VWA7: variants seen among roughly 807,000 people sequenced by gnomAD.
VWA7 encodes von Willebrand factor A domain-containing protein 7.
Under a neutral mutation model 83.1 loss-of-function variants are expected in VWA7, and 66 were observed. The observed-to-expected ratio is 0.79, with a 90% confidence interval of 0.65 to 0.98. The LOEUF (loss-of-function observed/expected upper bound fraction) is 0.98, where lower values mean the gene tolerates loss of function less well. Among genes scored for constraint, VWA7 ranks in the 50% least tolerant of loss-of-function variants. VWA7 has a pLI of 0.00. For missense variants in VWA7, 1,080 were observed against 1,160.2 expected (o/e 0.93, Z 1.00); for synonymous variants, 424 against 488.5 (o/e 0.87, Z 1.74).
chr6:31,769,197 A>ACTCACC lies in VWA7; in HGVS notation c.1323_1324insGGTGAG (p.Thr441_Phe442insGlyGlu), dbSNP rs770874168. On this transcript the variant is annotated inframe_insertion, in exon 10 of 17. Coordinates refer to ENST00000375688, the MANE Select transcript of VWA7 (RefSeq NM_025258.3). The surrounding 1 kb of genome is among the most constrained non-coding windows in gnomAD (Gnocchi z 4.5). ...CTTGATGTATCTTCAGTCACCAGGA[A>ACTCACC]TGTTACCTGTACCCAGAAGAGAGCT... 2,317 of 1,612,666 alleles carry ACTCACC rather than the reference A, an allele frequency of 1.4e-3. 10 individuals carry two copies. Among genetic ancestry groups the ACTCACC allele is most frequent in the Middle Eastern group, 9.2e-3 (56 of 6,060 alleles).
chr6:31,767,400 T>C lies in VWA7; in HGVS notation c.1751A>G (p.Gln584Arg). 6.2e-7 allele frequency: 1 copy of C among 1,613,182 alleles called. No homozygotes were observed. The highest frequency in any genetic ancestry group is 8.5e-7 in the Non-Finnish European group (1 of 1,179,844). ...DPPQTGTWEI[Q>R]VTAEDTPGVR... ...CCCAGGGGTGTCCTCAGCTGTGACCTGGATCTCCCAGGTTCCTGTCTGTGG... is the reference window on the plus strand; with the variant it reads ...CCCAGGGGTGTCCTCAGCTGTGACCCGGATCTCCCAGGTTCCTGTCTGTGG... Residue 584 changes from glutamine to arginine, a missense_variant, in exon 12 of 17, where the codon CAG (glutamine) becomes CGG (arginine). Physicochemically the swap from Gln to Arg is conservative, Grantham distance 43. Transcript: ENST00000375688.
rs1812631426 is a variant in VWA7, at chr6:31,775,836, C to T, written c.513+128G>A. 4.9e-6 allele frequency: 7 copies of T among 1,418,984 alleles called. No individual in the cohort carries two copies. Among genetic ancestry groups the T allele is most frequent in the South Asian group, 4.1e-5 (3 of 72,786 alleles). 87.9% of individuals were successfully genotyped at this position (1,418,984 alleles called of 1,614,324 possible). A position where few individuals can be genotyped will look rare whatever the true frequency, so the allele number is the denominator to read the frequency against. ...GAACTGGGACACAGCCTCGGGGCAC[C>T]GCGTGCCAGTGCCCACCCCTTCCAG... On this transcript the variant is annotated intron_variant, in intron 3 of 16. Coordinates refer to ENST00000375688, the MANE Select transcript of VWA7 (RefSeq NM_025258.3). The surrounding 1 kb of genome is among the most constrained non-coding windows in gnomAD (Gnocchi z 5.9).
chr6:31,771,303 T>C (rs904807889), intron 7 of VWA7: 1 of 152,204 alleles, frequency 6.6e-6, no homozygotes, highest in Admixed American at 6.5e-5. Flanking sequence ...TTGATCATCA[T>C]TTCAACTCTG....
rs28399999 is a variant in VWA7 at position 31,766,081 on chromosome 6, C to G, written c.2325-24G>C. On this transcript the variant is annotated intron_variant, in intron 15 of 16. Transcript: ENST00000375688. The surrounding 1 kb of genome is among the most constrained non-coding windows in gnomAD (Gnocchi z 4.9). Reference sequence around the variant, plus strand: ...CCCTGGAGAGAGGATATAGGCGTCGCTAAAGCTCCAGGCTGCCCAGAGCCT... The same window carrying G: ...CCCTGGAGAGAGGATATAGGCGTCGGTAAAGCTCCAGGCTGCCCAGAGCCT... 1 of 1,612,006 alleles carries G rather than the reference C, an allele frequency of 6.2e-7. No individual in the cohort carries two copies. Among genetic ancestry groups the G allele is most frequent in the Non-Finnish European group, 8.5e-7 (1 of 1,179,568 alleles).
Position 31,772,970 on chromosome 6 carries a change from C to T in VWA7, c.1071G>A (p.Val357=). The change falls in exon 7 of 17, where the codon GTG becomes GTA. Residue 357 remains valine, a synonymous_variant. Coordinates refer to ENST00000375688, the MANE Select transcript of VWA7 (RefSeq NM_025258.3). ...SPMEPVHYVL[V]PFHDPGFGPV... is the part of the protein sequence containing the mutation. The stretch of plus-strand genomic sequence containing the variant: ...CACACTTACCTGGGTCATGAAAAGG[C>T]ACCAGGACATAGTGGACAGGCTCCA... 6.6e-7 allele frequency: 1 copy of T among 1,524,534 alleles called. No homozygotes were observed. The highest frequency in any genetic ancestry group is 1.1e-5 in the South Asian group (1 of 88,068). 94.4% of individuals were successfully genotyped at this position (1,524,534 alleles called of 1,614,324 possible). A position where few individuals can be genotyped will look rare whatever the true frequency, so the allele number is the denominator to read the frequency against.
intron 10 of VWA7, among the ~76,000 whole-genome samples, chr6:31,768,139 C>CAAA (rs9279412): frequency 0.017 from 1,330 of 76,826 alleles, 25 homozygotes; most frequent in African/African-American, 0.048. Flanking sequence ...GACTCTGTCT[C>CAAA]AAAAAAAAAA....
intron 7 of VWA7, among the ~76,000 whole-genome samples, chr6:31,770,368 C>T (rs948985885): frequency 2.0e-5 from 3 of 151,580 alleles, no homozygotes; most frequent in Non-Finnish European, 2.9e-5. Flanking sequence ...GGTGAAACCT[C>T]GTCTCTACTA....
At chr6:31,768,161 AAG>A (rs1554215747) in intron 10 of VWA7, among the ~76,000 whole-genome samples, 2 of 144,552 alleles carry the variant, frequency 1.4e-5, no homozygotes, top group Admixed American at 6.9e-5. Flanking sequence ...AAAAAAAAAA[AAG>A]AAAGAAAAAG....
intron 7 of VWA7, chr6:31,771,413 A>T (rs1197320432): frequency 6.6e-6 from 1 of 152,306 alleles, no homozygotes; most frequent in African/African-American, 2.4e-5. Flanking sequence ...GCCTGAAGCA[A>T]CTGAAGATCC....
chr6:31,769,916 G>GCCAC lies in VWA7; in HGVS notation c.1200+84_1200+85insGTGG. On this transcript the variant is annotated intron_variant, in intron 8 of 16. Coordinates refer to ENST00000375688, the MANE Select transcript of VWA7 (RefSeq NM_025258.3). The surrounding 1 kb of genome is among the most constrained non-coding windows in gnomAD (Gnocchi z 4.5). ...TACAGTGAAGCTAGTGGATCTAGGTGCTGAAGGTGGTGGGGAGCCCCAGGA... is the reference window on the plus strand; with the variant it reads ...TACAGTGAAGCTAGTGGATCTAGGTGCCACCTGAAGGTGGTGGGGAGCCCCAGGA... The GCCAC allele has an allele frequency of 6.7e-7, 1 of 1,492,802 alleles. No homozygotes were observed. The highest frequency in any genetic ancestry group is 9.3e-7 in the Non-Finnish European group (1 of 1,074,010). 92.5% of individuals were successfully genotyped at this position (1,492,802 alleles called of 1,614,324 possible).
In VWA7 at chr6:31,770,053, A is replaced by T; in HGVS notation, c.1148T>A (p.Ile383Asn). The T allele has an allele frequency of 6.2e-7, 1 of 1,612,818 alleles. No homozygotes were observed. Among genetic ancestry groups the T allele is most frequent in the Non-Finnish European group, 8.5e-7 (1 of 1,179,990 alleles). The change falls in exon 8 of 17, where the codon ATC becomes AAC. Residue 383 changes from isoleucine to asparagine, a missense_variant. Ile to Asn is a moderately radical substitution (Grantham distance 149). Coordinates refer to ENST00000375688, the MANE Select transcript of VWA7 (RefSeq NM_025258.3). ...CTCGTCTCCACCCCCCAAGGCATGGATCTCATTAAGCTGTTGCCAGAAGCT... is the reference window on the plus strand; with the variant it reads ...CTCGTCTCCACCCCCCAAGGCATGGTTCTCATTAAGCTGTTGCCAGAAGCT... Reference protein sequence around the residue: ...PDSFWQQLNEIHALGGGDEPE... With the variant: ...PDSFWQQLNENHALGGGDEPE...
chr6:31,767,382 G>T lies in VWA7; in HGVS notation c.1769C>A (p.Thr590Asn), dbSNP rs1308028821. The change falls in exon 12 of 17, where the codon ACC (threonine) becomes AAC (asparagine). Residue 590 changes from threonine (T) to asparagine (N), a missense_variant. By Grantham distance (65) the Thr-to-Asn change is moderately conservative (BLOSUM62 0). Coordinates refer to ENST00000375688, the MANE Select transcript of VWA7 (RefSeq NM_025258.3). The stretch of plus-strand genomic sequence containing the variant: ...CTTACCTTGCACTCTCACCCCAGGG[G>T]TGTCCTCAGCTGTGACCTGGATCTC... The part of the protein sequence containing the change: ...TWEIQVTAED[T>N]PGVRVQAQTS... 1 of 1,613,228 alleles carries T rather than the reference G, an allele frequency of 6.2e-7. No individual in the cohort carries two copies. Among genetic ancestry groups the T allele is most frequent in the Non-Finnish European group, 8.5e-7 (1 of 1,179,814 alleles).
intron 4 of VWA7, 123 bp from the exon 5 acceptor site, chr6:31,774,749 A>G: frequency 2.7e-6 from 2 of 741,992 alleles, no homozygotes; most frequent in South Asian, 3.8e-5. Context: ...GAAGTTCCCT[A>G]GCAAAGCTTT....
rs770335290 is a variant in VWA7 at position 31,769,682 on chromosome 6, C to T, written c.1310G>A (p.Arg437His). ...CCCACTAGCTCTGCTCACCCGGCAG[C>T]GCCGCTCCTGAGTCAGGGATTCCAC... Reference protein sequence around the residue: ...NQVESLTQERRCRVTFLVTED... With the variant: ...NQVESLTQERHCRVTFLVTED... Residue 437 changes from arginine to histidine, a missense_variant, in exon 9 of 17, where the codon CGC (arginine) becomes CAC (histidine). Physicochemically the swap from Arg to His is conservative, Grantham distance 29. Transcript: ENST00000375688. This position sits in a 1 kb window ranked among gnomAD's most constrained non-coding sequence, Gnocchi z 4.5. 4 of 1,612,764 alleles carry T rather than the reference C, an allele frequency of 2.5e-6. No homozygotes were observed. Among genetic ancestry groups the T allele is most frequent in the African/African-American group, 1.3e-5 (1 of 75,040 alleles).
chr6:31,776,517 G>A lies in VWA7; in HGVS notation c.234+29C>T, dbSNP rs1464129348. 1.7e-5 allele frequency: 25 copies of A among 1,514,134 alleles called. No individual in the cohort carries two copies. Among genetic ancestry groups the A allele is most frequent in the Non-Finnish European group, 2.1e-5 (24 of 1,123,066 alleles). 93.8% of individuals were successfully genotyped at this position (1,514,134 alleles called of 1,614,324 possible). On this transcript the variant is annotated intron_variant, in intron 2 of 16. Transcript: ENST00000375688. This position sits in a 1 kb window ranked among gnomAD's most constrained non-coding sequence, Gnocchi z 6.2. ...CCCCATGGAATTGGGGACTCTGGCA[G>A]GGGTGTGACAGGACCCTGGGATGCT...
chr6:31,772,268 C>T (rs1812252888), intron 7 of VWA7, among the ~76,000 whole-genome samples: 2 of 152,048 alleles, frequency 1.3e-5, no homozygotes, highest in Non-Finnish European at 2.9e-5. Flanking sequence ...GCCTCAGCTT[C>T]CCAAGTAGCT....
rs1416439011 is a variant in VWA7 at position 31,775,288 on chromosome 6, G to A, written c.610+45C>T. ...TGACACAGTGGCTGGGTGGACTGAG[G>A]TGGCCCTGTGGACTCCTGCCTCACC... On this transcript the variant is annotated intron_variant, in intron 4 of 16. Coordinates refer to ENST00000375688, the MANE Select transcript of VWA7 (RefSeq NM_025258.3). The surrounding 1 kb of genome is among the most constrained non-coding windows in gnomAD (Gnocchi z 5.9). The A allele has an allele frequency of 6.6e-7, 1 of 1,525,752 alleles. No individual in the cohort carries two copies. Among genetic ancestry groups the A allele is most frequent in the African/African-American group, 1.4e-5 (1 of 72,920 alleles). The allele number at this position is 1,525,752 out of a possible 1,614,324, so 94.5% of individuals were successfully genotyped here.
At chr6:31,774,442 G>A (rs895545236) in intron 5 of VWA7, 74 bp downstream of exon 5, 12 of 1,388,422 alleles carry the variant, frequency 8.6e-6, no homozygotes, top group African/African-American at 4.3e-5. Flanking sequence ...AAAGGCATAC[G>A]GGCCTACAGG....
chr6:31,776,720 C>T lies in VWA7; in HGVS notation c.60G>A (p.Gln20=). The T allele has an allele frequency of 1.3e-6, 2 of 1,488,422 alleles. No individual in the cohort carries two copies. The highest frequency in any genetic ancestry group is 1.8e-6 in the Non-Finnish European group (2 of 1,113,916). The allele number at this position is 1,488,422 out of a possible 1,614,324, so 92.2% of individuals were successfully genotyped here. The change falls in exon 2 of 17, where the codon CAG becomes CAA. Residue 20 remains glutamine (Q), a synonymous_variant. Coordinates refer to ENST00000375688, the MANE Select transcript of VWA7 (RefSeq NM_025258.3). The surrounding 1 kb of genome is among the most constrained non-coding windows in gnomAD (Gnocchi z 6.2). The part of the protein sequence containing the change: ...HPGPSALLLL[Q]LLLPPTSAFF... ...AGGCAGATGTGGGGGGCAGCAACAG[C>T]TGCAGCAGAAGCAACGCTGAGGGGC...
Sources: allele counts gnomAD v4.1 joint callset (sites outside exome capture counted in the v4.1 genomes callset), GRCh38; gene constraint gnomAD v4.1.1; non-coding constraint Gnocchi (gnomAD v3.1); transcripts MANE v1.5; gene names NCBI Gene and HGNC (gene_info 2026-07-23, HGNC 2026-07-21).